Variants in LHFPL6 observed in about 807,000 individuals in gnomAD.
The protein encoded by LHFPL6 is LHFPL tetraspan subfamily member 6.
A neutral mutation model predicts 20.6 loss-of-function variants in LHFPL6; 9 were observed. The ratio of observed to expected loss-of-function variants is 0.44; its 90% confidence interval spans 0.26 to 0.76. LHFPL6 has a LOEUF of 0.76. Among genes scored for constraint, LHFPL6 ranks in the 30% least tolerant of loss-of-function variants. The probability of loss-of-function intolerance (pLI) is 0.20; values close to 1 mark genes in which losing one functional copy is unlikely to be tolerated. For missense variants in LHFPL6, 218 were observed against 253.5 expected (o/e 0.86, Z 0.95); for synonymous variants, 105 against 98.7 (o/e 1.06, Z -0.38).
chr13:39,393,228 T>C (rs1870756240), intron 2 of LHFPL6, among the ~76,000 whole-genome samples: 1 of 152,252 alleles, frequency 6.6e-6, no homozygotes, highest in South Asian at 2.1e-4. Flanking sequence ...TACTGATTAA[T>C]GTCTGTTTCA....
chr13:39,444,581 G>A (rs1377282285), intron 2 of LHFPL6, among the ~76,000 whole-genome samples: 1 of 152,168 alleles, frequency 6.6e-6, no homozygotes, highest in East Asian at 1.9e-4. Context: ...TTCTGGTACA[G>A]CACCCCTCAG....
chr13:39,478,143 G>C (rs371917699), intron 2 of LHFPL6, among the ~76,000 whole-genome samples: 4 of 152,178 alleles, frequency 2.6e-5, no homozygotes, highest in Admixed American at 2.6e-4. Flanking sequence ...CACTGTTCTA[G>C]AGACGAGGGG....
At chr13:39,501,710 C>A (rs1869300526) in intron 2 of LHFPL6, among the ~76,000 whole-genome samples, 1 of 151,998 alleles carries the variant, frequency 6.6e-6, no homozygotes, top group African/African-American at 2.4e-5. Context: ...CTCCATTTAC[C>A]CCATGGAGAG....
At chr13:39,346,453 C>T (rs1398350727) in intron 3 of LHFPL6, among the ~76,000 whole-genome samples, 3 of 152,136 alleles carry the variant, frequency 2.0e-5, no homozygotes, top group Non-Finnish European at 4.4e-5. Context: ...TGCTTAAATT[C>T]TCATAGGAAC....
At chr13:39,412,996 C>T (rs1871268602) in intron 2 of LHFPL6, among the ~76,000 whole-genome samples, 1 of 152,108 alleles carries the variant, frequency 6.6e-6, no homozygotes, top group Non-Finnish European at 1.5e-5. Context: ...AGTAGGCACT[C>T]TCTTAACATC....
intron 2 of LHFPL6, among the ~76,000 whole-genome samples, chr13:39,473,362 A>G (rs1229550814): frequency 1.3e-5 from 2 of 150,704 alleles, no homozygotes; most frequent in African/African-American, 4.9e-5. Context: ...ACACAAACAC[A>G]AATACATTTT....
chr13:39,567,029 G>T (rs140716333), intron 2 of LHFPL6, among the ~76,000 whole-genome samples: 14 of 123,408 alleles, frequency 1.1e-4, no homozygotes, highest in Admixed American at 5.6e-4. Flanking sequence ...GTTAGCCAGG[G>T]TTTTTTTTTT....
intron 2 of LHFPL6, among the ~76,000 whole-genome samples, chr13:39,595,802 T>C (rs745647245): frequency 1.3e-5 from 2 of 152,190 alleles, no homozygotes; most frequent in Non-Finnish European, 2.9e-5. Context: ...ATCTTTTCAT[T>C]AGTCAAAGCT....
intron 2 of LHFPL6, among the ~76,000 whole-genome samples, chr13:39,432,579 T>C (rs950247119): frequency 6.6e-6 from 1 of 152,184 alleles, no homozygotes; most frequent in African/African-American, 2.4e-5. Context: ...CTTCCTCAAC[T>C]GCCCCATTAA....
intron 2 of LHFPL6, among the ~76,000 whole-genome samples, chr13:39,397,413 C>T (rs1593297444): frequency 2.6e-5 from 4 of 152,214 alleles, no homozygotes; most frequent in South Asian, 2.1e-4. Flanking sequence ...ATAACTTACA[C>T]GTCAGACATA....
At chr13:39,545,717 T>C (rs183643605) in intron 2 of LHFPL6, among the ~76,000 whole-genome samples, 33 of 152,226 alleles carry the variant, frequency 2.2e-4, no homozygotes, top group African/African-American at 7.5e-4. Flanking sequence ...ACATTACTTA[T>C]AATATGTAAT....
chr13:39,549,114 T>G (rs1228855359), intron 2 of LHFPL6, among the ~76,000 whole-genome samples: 2 of 152,132 alleles, frequency 1.3e-5, no homozygotes, highest in Non-Finnish European at 2.9e-5. Flanking sequence ...AAGAGATGCT[T>G]CATCAAAGAA....
At chr13:39,558,300 T>G (rs902002356) in intron 2 of LHFPL6, among the ~76,000 whole-genome samples, 1 of 152,140 alleles carries the variant, frequency 6.6e-6, no homozygotes, top group Admixed American at 6.5e-5. Context: ...TGCCTCGCGG[T>G]AGGGAACAGA....
chr13:39,473,405 A>G (rs1873000339), intron 2 of LHFPL6, among the ~76,000 whole-genome samples: 1 of 151,464 alleles, frequency 6.6e-6, no homozygotes, highest in South Asian at 2.1e-4. Context: ...ATGCTGAGAT[A>G]TATTTTATAA....
At chr13:39,555,210 C>T (rs970128107) in intron 2 of LHFPL6, among the ~76,000 whole-genome samples, 9 of 152,164 alleles carry the variant, frequency 5.9e-5, no homozygotes, top group African/African-American at 2.2e-4. Flanking sequence ...CCCAGAGGTG[C>T]TCCAATCCCT....
intron 3 of LHFPL6, among the ~76,000 whole-genome samples, chr13:39,356,231 C>A (rs1275051034): frequency 1.3e-5 from 2 of 152,128 alleles, no homozygotes; most frequent in African/African-American, 2.4e-5. Flanking sequence ...TCTCTCAAAA[C>A]CACATAATTA....
chr13:39,540,429 C>T (rs1870761813), intron 2 of LHFPL6, among the ~76,000 whole-genome samples: 1 of 151,902 alleles, frequency 6.6e-6, no homozygotes, highest in South Asian at 2.1e-4. Context: ...GAATCTTATC[C>T]ACCTCGGGAC....
At chr13:39,370,155 G>A (rs1028218932) in intron 3 of LHFPL6, among the ~76,000 whole-genome samples, 2 of 152,142 alleles carry the variant, frequency 1.3e-5, no homozygotes, top group African/African-American at 2.4e-5. Flanking sequence ...GTTGCCTTGC[G>A]GGTGCCTGAA....
chr13:39,347,267 C>G (rs956495289), intron 3 of LHFPL6, among the ~76,000 whole-genome samples: 1 of 152,170 alleles, frequency 6.6e-6, no homozygotes, highest in Non-Finnish European at 1.5e-5. Flanking sequence ...GACATGAGAG[C>G]TTCACACTTG....
Sources: gnomAD v4.1 joint callset for allele counts (sites outside exome capture counted in the v4.1 genomes callset) on GRCh38, gnomAD v4.1.1 for gene constraint, MANE v1.5 for transcripts, NCBI Gene and HGNC (gene_info 2026-07-23, HGNC 2026-07-21) for gene names.